Variants in PPME1 observed in about 807,000 individuals in gnomAD.
PPME1 encodes the protein protein phosphatase methylesterase 1, also known as testicular secretory protein Li 39.
Under a neutral mutation model 56.9 loss-of-function variants are expected in PPME1, and 17 were observed. The observed-to-expected ratio is 0.30, with a 90% CI of 0.20 to 0.45. The LOEUF is 0.45. Among genes scored for constraint, PPME1 ranks in the 20% least tolerant of loss-of-function variants. PPME1 has a pLI of 1.00. For missense variants in PPME1, 357 were observed against 483.2 expected, an observed-to-expected ratio of 0.74 and a Z score of 2.45; for synonymous variants, 122 against 156.2, an observed-to-expected ratio of 0.78 and a Z score of 1.63.
intron 1 of PPME1, 119 bp downstream of exon 1, chr11:74,171,641 C>T: frequency 7.7e-7 from 1 of 1,305,736 alleles, no homozygotes; most frequent in South Asian, 1.6e-5. Context: ...ATGTTGGCGG[C>T]CTGGAGATAT....
chr11:74,201,264 C>T (rs765995689), intron 1 of PPME1, among the ~76,000 whole-genome samples: 2 of 152,028 alleles, frequency 1.3e-5, no homozygotes, highest in African/African-American at 2.4e-5. Flanking sequence ...CGTGAGCCAC[C>T]GCGCCCGGCT....
chr11:74,177,448 C>CA lies in PPME1; in HGVS notation c.101+5942dup, dbSNP rs11421514. On this transcript the variant is annotated intron_variant, in intron 1 of 13. Transcript: ENST00000328257. ...TGGGACACAGAGTGAGACTTTGTCTCAAAAAAAAAAAAAAAAGTCTTCTTT... is the reference window on the plus strand; with the variant it reads ...TGGGACACAGAGTGAGACTTTGTCTCAAAAAAAAAAAAAAAAAGTCTTCTTT... Among the ~76,000 whole-genome samples, 863 of 90,822 alleles carry CA rather than the reference C, an allele frequency of 9.5e-3. 9 individuals carry two copies. The highest frequency in any genetic ancestry group is 0.026 in the African/African-American group (648 of 24,506). The allele number at this position is 90,822 out of a possible 152,430, so 59.6% of individuals were successfully genotyped here.
chr11:74,196,011 A>G (rs1449040331), intron 1 of PPME1, among the ~76,000 whole-genome samples: 1 of 152,236 alleles, frequency 6.6e-6, no homozygotes, highest in East Asian at 1.9e-4. Flanking sequence ...AACTATAAAC[A>G]GTGTTTCTAT....
intron 1 of PPME1, among the ~76,000 whole-genome samples, chr11:74,183,738 C>T (rs1857599991): frequency 6.6e-6 from 1 of 152,068 alleles, no homozygotes; most frequent in South Asian, 2.1e-4. Flanking sequence ...GTGCCTTGTA[C>T]ATACTGTATT....
At chr11:74,201,996 C>T (rs1858182446) in intron 1 of PPME1, among the ~76,000 whole-genome samples, 1 of 152,192 alleles carries the variant, frequency 6.6e-6, no homozygotes. Context: ...CTGTTTACTT[C>T]ACAATGTCAT....
rs79684371 is a variant in PPME1, at chr11:74,213,038, G to A, written c.288+8593G>A. On this transcript the variant is annotated intron_variant, in intron 3 of 13. Coordinates refer to ENST00000328257, the MANE Select transcript of PPME1 (RefSeq NM_016147.3). ...GTAGAGCACCAGGTGGACTCTTGGGGTTCCCAATTCCAGGCCTTGGCTCTT... is the reference window on the plus strand; with the variant it reads ...GTAGAGCACCAGGTGGACTCTTGGGATTCCCAATTCCAGGCCTTGGCTCTT... 3.5e-3 allele frequency among the ~76,000 whole-genome samples: 533 copies of A among 152,244 alleles called. 5 individuals carry two copies. Among genetic ancestry groups the A allele is most frequent in the African/African-American group, 0.012 (504 of 41,546 alleles).
intron 1 of PPME1, among the ~76,000 whole-genome samples, chr11:74,187,001 A>G (rs1358180213): frequency 6.6e-6 from 1 of 152,210 alleles, no homozygotes; most frequent in Non-Finnish European, 1.5e-5. Context: ...TTAATTGAAA[A>G]GGTTTCTTTT....
At chr11:74,251,943 G>C (rs573146872) in intron 13 of PPME1, 4 of 720,660 alleles carry the variant, frequency 5.6e-6, no homozygotes, top group South Asian at 5.5e-5. Context: ...TGATTAAATT[G>C]TGCCTAGTCT....
At chr11:74,233,016 A>G in intron 7 of PPME1, among the ~76,000 whole-genome samples, 1 of 151,690 alleles carries the variant, frequency 6.6e-6, no homozygotes, top group Non-Finnish European at 1.5e-5. Context: ...CCTTTTTCCG[A>G]ACTCTAAAAA....
intron 1 of PPME1, among the ~76,000 whole-genome samples, chr11:74,187,477 A>G (rs1857716676): frequency 6.6e-6 from 1 of 152,258 alleles, no homozygotes; most frequent in South Asian, 2.1e-4. Flanking sequence ...TTATTCCTGC[A>G]TATTTTATTC....
intron 1 of PPME1, among the ~76,000 whole-genome samples, chr11:74,201,295 G>GT (rs1310895377): frequency 6.6e-6 from 1 of 151,726 alleles, no homozygotes; most frequent in Non-Finnish European, 1.5e-5. Context: ...TTTGTTTTTT[G>GT]TTTTTTTTAA....
chr11:74,248,360 C>G (rs999350330), intron 11 of PPME1: 1 of 152,252 alleles, frequency 6.6e-6, no homozygotes, highest in Non-Finnish European at 1.5e-5. Context: ...CACCTCACCC[C>G]TCTCTCCTGA....
At chr11:74,236,367 G>A (rs765668110) in intron 8 of PPME1, among the ~76,000 whole-genome samples, 88 of 152,330 alleles carry the variant, frequency 5.8e-4, no homozygotes, top group Non-Finnish European at 1.0e-3. Flanking sequence ...CATAGCCTGA[G>A]TGAAAGCCAG....
intron 3 of PPME1, among the ~76,000 whole-genome samples, chr11:74,222,107 A>G (rs1858815151): frequency 6.6e-6 from 1 of 152,224 alleles, no homozygotes; most frequent in Non-Finnish European, 1.5e-5. Context: ...AGAAAGCCAT[A>G]TTTTGAAGTT....
intron 3 of PPME1, among the ~76,000 whole-genome samples, chr11:74,217,541 CAAAAAAAA>C (rs61139169): frequency 7.6e-5 from 6 of 79,034 alleles, no homozygotes; most frequent in Admixed American, 1.6e-4. Flanking sequence ...GACTCCGTCT[CAAAAAAAA>C]AAAAAAAAAA....
chr11:74,252,572 T>G (rs1392312372), intron 13 of PPME1: 1 of 454,034 alleles, frequency 2.2e-6, no homozygotes, highest in Admixed American at 2.4e-5. Flanking sequence ...GTTTTCAACC[T>G]CAGCTTTATT....
intron 11 of PPME1, chr11:74,247,668 G>T (rs1394935848): frequency 6.6e-6 from 1 of 152,336 alleles, no homozygotes; most frequent in Non-Finnish European, 1.5e-5. Flanking sequence ...TGTATTTTTA[G>T]TAGAGATGGA....
In PPME1 at chr11:74,253,501, T is replaced by C. The variant is rs1325879607; in HGVS notation, c.1152T>C (p.Pro384=). The C allele has an allele frequency of 3.1e-6, 5 of 1,608,902 alleles. No homozygotes were observed. The highest frequency in any genetic ancestry group is 2.6e-6 in the Non-Finnish European group (3 of 1,175,208). Residue 384 remains proline (P), a synonymous_variant, in exon 14 of 14, where the codon CCT becomes CCC. Transcript: ENST00000328257. ...TTCTGTTCTTCCACAGTGTGTTTCCTGGCTGTTAGTGACCTGCTGTCCACC... is the reference window on the plus strand; with the variant it reads ...TTCTGTTCTTCCACAGTGTGTTTCCCGGCTGTTAGTGACCTGCTGTCCACC... ...EPIGGFQCVF[P]GC
chr11:74,204,247 G>C (rs973373607), intron 2 of PPME1, 106 bp from the exon 3 acceptor site: 1 of 791,038 alleles, frequency 1.3e-6, no homozygotes, highest in South Asian at 1.8e-5. Flanking sequence ...CTTACATTTG[G>C]CAGTCTGCAG....
Sources: allele counts gnomAD v4.1 joint callset (sites outside exome capture counted in the v4.1 genomes callset), GRCh38; gene constraint gnomAD v4.1.1; transcripts MANE v1.5; gene names NCBI Gene and HGNC (gene_info 2026-07-23, HGNC 2026-07-21).